Variants in MED24 observed in about 807,000 individuals in gnomAD.
MED24 encodes the protein mediator of RNA polymerase II transcription subunit 24.
MED24 carries 74 observed loss-of-function variants against 118.8 expected under a neutral mutation model. The observed-to-expected ratio is 0.62, with a 90% CI of 0.52 to 0.76. The LOEUF is 0.76. Among genes scored for constraint, MED24 ranks in the 30% least tolerant of loss-of-function variants. The pLI is 0.00. For missense variants in MED24, 1,041 were observed against 1,278.9 expected (o/e 0.81, Z 2.84); for synonymous variants, 521 against 523.9 (o/e 0.99, Z 0.08).
At chr17:40,049,858 T>C (rs573768468) in intron 3 of MED24, among the ~76,000 whole-genome samples, 21 of 151,460 alleles carry the variant, frequency 1.4e-4, no homozygotes, top group Non-Finnish European at 2.8e-4. Flanking sequence ...GTAAAAGAGA[T>C]ACACATTCAG....
At chr17:40,026,605 T>G (rs201473936) in intron 18 of MED24, 42 bp downstream of exon 18, 1 of 1,543,398 alleles carries the variant, frequency 6.5e-7, no homozygotes, top group Non-Finnish European at 8.8e-7. Flanking sequence ...TGGCTGGCTC[T>G]GTGTCTCAGG....
At chr17:40,054,315 C>T (rs1986126467) in intron 1 of MED24, 46 bp downstream of exon 1, 1 of 152,854 alleles carries the variant, frequency 6.5e-6, no homozygotes, top group African/African-American at 2.4e-5. Context: ...GTAACTATAC[C>T]TCCCAATTTC....
At chr17:40,038,973 C>A (rs1447989172) in intron 3 of MED24, among the ~76,000 whole-genome samples, 1 of 152,140 alleles carries the variant, frequency 6.6e-6, no homozygotes, top group South Asian at 2.1e-4. Context: ...ATGACCATAA[C>A]GTTCCGGCGA....
At position 40,023,355 on chromosome 17, in the gene MED24, C is replaced by T. The variant is rs376292548; in HGVS notation, c.2026G>A (p.Asp676Asn). Residue 676 changes from aspartate to asparagine, a missense_variant, in exon 20 of 26, where the codon GAC becomes AAC. Physicochemically the swap from Asp to Asn is conservative, Grantham distance 23. Transcript: ENST00000394128. ...MNSILERMCA[D>N]VLQQTATQIK... ...TGCGTGGCTGTCTGCTGCAGCACGT[C>T]GGCACACATGCGCTCCAGGATCGAG... 9.9e-6 allele frequency: 16 copies of T among 1,611,360 alleles called. No individual in the cohort carries two copies. The highest frequency in any genetic ancestry group is 8.9e-5 in the East Asian group (4 of 44,852).
chr17:40,047,205 C>T (rs1598370958), intron 3 of MED24, among the ~76,000 whole-genome samples: 2 of 152,068 alleles, frequency 1.3e-5, no homozygotes, highest in Non-Finnish European at 2.9e-5. Context: ...AGACAGTATA[C>T]GAACTATATC....
chr17:40,022,430 G>A lies in MED24; in HGVS notation c.2487C>T (p.Ser829=), dbSNP rs748261743. The A allele has an allele frequency of 1.9e-6, 3 of 1,610,606 alleles. No individual in the cohort carries two copies. Among genetic ancestry groups the A allele is most frequent in the Non-Finnish European group, 2.5e-6 (3 of 1,178,692 alleles). Residue 829 remains serine, a synonymous_variant, in exon 22 of 26, where the codon TCC becomes TCT. Coordinates refer to ENST00000394128, the MANE Select transcript of MED24 (RefSeq NM_014815.4). ...SSYSSHKGQA[S]TRQKKRHRED... ...CGCGGTGTCTCTTCTTCTGGCGGGT[G>A]GACGCCTGTCCCTTGTGGGAGGAGT...
At chr17:40,032,460 G>C (rs1057309784) in intron 9 of MED24, 189 bp downstream of exon 9, 6 of 588,240 alleles carry the variant, frequency 1.0e-5, no homozygotes, top group Non-Finnish European at 1.8e-5. Context: ...AAACAACGGA[G>C]TCTGCCAAAT....
chr17:40,035,068 G>A (rs1389662752), intron 6 of MED24, 49 bp downstream of exon 6: 3 of 1,610,742 alleles, frequency 1.9e-6, no homozygotes, highest in Non-Finnish European at 2.5e-6. Context: ...TTAAAGGACC[G>A]GCTATGGGAG....
intron 17 of MED24, 31 bp from the exon 18 acceptor site, chr17:40,026,777 G>T: frequency 6.2e-7 from 1 of 1,611,158 alleles, no homozygotes. Context: ...CAGCACAGGG[G>T]AGCAAGGAAC....
At chr17:40,049,552 G>C (rs1319291561) in intron 3 of MED24, among the ~76,000 whole-genome samples, 6 of 151,834 alleles carry the variant, frequency 4.0e-5, no homozygotes, top group African/African-American at 1.5e-4. Flanking sequence ...TTTTGAGATG[G>C]AGTCTCGCTC....
chr17:40,047,565 G>T (rs1418927492), intron 3 of MED24, among the ~76,000 whole-genome samples: 1 of 151,808 alleles, frequency 6.6e-6, no homozygotes, highest in Non-Finnish European at 1.5e-5. Flanking sequence ...CGGAGGCTGA[G>T]GCAGGAGAAT....
At chr17:40,025,045 G>A (rs9908404) in intron 19 of MED24, among the ~76,000 whole-genome samples, 5,861 of 152,228 alleles carry the variant, frequency 0.039, 411 homozygotes, top group African/African-American at 0.13. Context: ...CCACAACAGA[G>A]TATTATTCAG....
chr17:40,044,289 G>A (rs1487305713), intron 3 of MED24, among the ~76,000 whole-genome samples: 1 of 152,126 alleles, frequency 6.6e-6, no homozygotes, highest in African/African-American at 2.4e-5. Flanking sequence ...GGAGTCCAAG[G>A]CGGGTGGACC....
In MED24 at chr17:40,022,477, C is replaced by T. The variant is rs777161039; in HGVS notation, c.2440G>A (p.Val814Met). ...GAGTAGGAACTGAGGGCACACCACA[C>T]GGCCAGCCTGGCAAAGGGTTCCAGA... is the stretch of plus-strand genomic sequence containing the variant. ...PPGTALAKLA[V>M]WCALSSYSSH... The change falls in exon 22 of 26, where the codon GTG becomes ATG. Residue 814 changes from valine (V) to methionine (M), a missense_variant. Transcript: ENST00000394128. 1.5e-5 allele frequency: 24 copies of T among 1,608,438 alleles called. No homozygotes were observed. Among genetic ancestry groups the T allele is most frequent in the Middle Eastern group, 1.6e-4 (1 of 6,068 alleles).
chr17:40,027,888 G>T (rs772005042), intron 15 of MED24, 21 bp downstream of exon 15: 2 of 1,611,976 alleles, frequency 1.2e-6, no homozygotes, highest in South Asian at 1.1e-5. Flanking sequence ...CTGGGCCTGC[G>T]GATGCACAGG....
At position 40,022,376 on chromosome 17, in the gene MED24, G is replaced by A. The variant is rs377656209; in HGVS notation, c.2523+18C>T. ...CCGGTGAACAAGTGAAGCCGGCGAGGGCAGCTGGGGGGCCTACCTCAATGT... is the reference window on the plus strand; with the variant it reads ...CCGGTGAACAAGTGAAGCCGGCGAGAGCAGCTGGGGGGCCTACCTCAATGT... On this transcript the variant is annotated intron_variant, in intron 22 of 25. Transcript: ENST00000394128. 11 of 1,597,618 alleles carry A rather than the reference G, an allele frequency of 6.9e-6. No individual in the cohort carries two copies. Among genetic ancestry groups the A allele is most frequent in the Non-Finnish European group, 9.4e-6 (11 of 1,171,884 alleles).
Position 40,053,372 on chromosome 17 carries a change from G to C in MED24, c.139C>G (p.Leu47Val). ...GATGGTCCAATCATGGCCTGCTCTA[G>C]TAACGCATCTGCAAGAGGAATAGCA... Reference protein sequence around the residue: ...WDILNLADALLEQAMIGPSPN... With the variant: ...WDILNLADALVEQAMIGPSPN... The change falls in exon 3 of 26, where the codon CTA becomes GTA. Residue 47 changes from leucine to valine, a missense_variant. Physicochemically the swap from Leu to Val is conservative, Grantham distance 32 (BLOSUM62 1). Transcript: ENST00000394128. 6.2e-7 allele frequency: 1 copy of C among 1,613,368 alleles called. No homozygotes were observed.
intron 14 of MED24, chr17:40,028,158 C>G (rs1224825166): frequency 2.0e-5 from 10 of 504,984 alleles, no homozygotes; most frequent in African/African-American, 1.2e-4. Flanking sequence ...CTCTGTCACC[C>G]AGGCTGGAGT....
In MED24 at chr17:40,033,893, A is replaced by G. The variant is rs1285731689; in HGVS notation, c.560-437T>C. The G allele has an allele frequency of 1.1e-5, 4 of 380,506 alleles. No individual in the cohort carries two copies. The highest frequency in any genetic ancestry group is 7.7e-4 in the Middle Eastern group (1 of 1,296). The allele number at this position is 380,506 out of a possible 1,614,324, so 23.6% of individuals were successfully genotyped here. A position where few individuals can be genotyped will look rare whatever the true frequency, so the allele number is the denominator to read the frequency against. On this transcript the variant is annotated intron_variant, in intron 6 of 25. Coordinates refer to ENST00000394128, the MANE Select transcript of MED24 (RefSeq NM_014815.4). This position sits in a 1 kb window ranked among gnomAD's most constrained non-coding sequence, Gnocchi z 5.2. ...TCCCTAAATGGCTTTCTCATTCTCA[A>G]CCACTCCCTCATCTAGGCATTGCGT...
Sources: allele counts gnomAD v4.1 joint callset (sites outside exome capture counted in the v4.1 genomes callset), GRCh38; gene constraint gnomAD v4.1.1; non-coding constraint Gnocchi (gnomAD v3.1); transcripts MANE v1.5; gene names NCBI Gene and HGNC (gene_info 2026-07-23, HGNC 2026-07-21).